The following MEMO1 variants were observed in gnomAD, a reference collection of about 807,000 sequenced individuals.
MEMO1 encodes protein MEMO1.
Under a neutral mutation model 45.2 loss-of-function variants are expected in MEMO1, and 6 were observed. That is an observed-to-expected ratio of 0.13 (90% CI 0.07 to 0.26). The LOEUF (loss-of-function observed/expected upper bound fraction) is 0.26. Among genes scored for constraint, MEMO1 ranks in the 10% least tolerant of loss-of-function variants. MEMO1 has a pLI of 1.00. For missense variants in MEMO1, 184 were observed against 370.5 expected, an observed-to-expected ratio of 0.50 and a Z score of 4.13; for synonymous variants, 78 against 124.3, an observed-to-expected ratio of 0.63 and a Z score of 2.48.
At chr2:31,976,758 C>A (rs549045955) in intron 2 of MEMO1, among the ~76,000 whole-genome samples, 1 of 151,872 alleles carries the variant, frequency 6.6e-6, no homozygotes, top group South Asian at 2.1e-4. Flanking sequence ...CTTTCATTTC[C>A]TGATGAAATT....
intron 2 of MEMO1, 46 bp from the exon 3 acceptor site, chr2:31,943,429 T>A: frequency 7.3e-7 from 1 of 1,376,062 alleles, no homozygotes; most frequent in Non-Finnish European, 1.0e-6. Context: ...AGCAATGTAC[T>A]ACAGATAAAC....
chr2:31,929,106 C>T (rs1436596181), intron 4 of MEMO1, among the ~76,000 whole-genome samples: 1 of 152,128 alleles, frequency 6.6e-6, no homozygotes. Flanking sequence ...TTCTGGATTA[C>T]AGGAATTACA....
At chr2:31,959,434 G>A (rs760321310) in intron 2 of MEMO1, among the ~76,000 whole-genome samples, 2 of 151,666 alleles carry the variant, frequency 1.3e-5, no homozygotes, top group Non-Finnish European at 2.9e-5. Context: ...GGAAAGCAAA[G>A]AGATGAGATC....
At chr2:31,984,750 G>A (rs1671069781) in intron 2 of MEMO1, among the ~76,000 whole-genome samples, 1 of 152,160 alleles carries the variant, frequency 6.6e-6, no homozygotes, top group Non-Finnish European at 1.5e-5. Flanking sequence ...AGCTTGCGGT[G>A]AGCCAAGATT....
At chr2:31,882,372 T>C (rs1293620257) in intron 8 of MEMO1, among the ~76,000 whole-genome samples, 2 of 151,958 alleles carry the variant, frequency 1.3e-5, no homozygotes, top group African/African-American at 4.8e-5. Context: ...CAATGGGAAA[T>C]GCAAATCAAA....
At position 31,940,958 on chromosome 2, in the gene MEMO1, T is replaced by C. The variant is rs1274889192; in HGVS notation, c.143+2344A>G. Among the ~76,000 whole-genome samples, 3 of 152,324 alleles carry C rather than the reference T, an allele frequency of 2.0e-5. No individual in the cohort carries two copies. In the East Asian group the frequency reaches 5.8e-4, roughly 29 times the overall value. On this transcript the variant is annotated intron_variant, in intron 3 of 9. Coordinates refer to ENST00000404530, the MANE Select transcript of MEMO1 (RefSeq NM_001301833.4). ...ATCCAAGCCACTATGTCATCTCTTT[T>C]CTATAATTATAATTGTAAAATAAGC... is the stretch of plus-strand genomic sequence containing the variant.
At chr2:31,952,457 C>T (rs952014513) in intron 2 of MEMO1, among the ~76,000 whole-genome samples, 2 of 152,118 alleles carry the variant, frequency 1.3e-5, no homozygotes, top group Non-Finnish European at 2.9e-5. Flanking sequence ...ATTGGCATTT[C>T]GTACCCAAAA....
chr2:31,932,780 T>C (rs1235237274), intron 3 of MEMO1, among the ~76,000 whole-genome samples: 5 of 152,172 alleles, frequency 3.3e-5, no homozygotes, highest in Non-Finnish European at 7.3e-5. Context: ...ATTAGCAGAC[T>C]ATTACAGAAA....
At chr2:31,929,845 A>G (rs183391889) in intron 4 of MEMO1, among the ~76,000 whole-genome samples, 1 of 152,386 alleles carries the variant, frequency 6.6e-6, no homozygotes, top group African/African-American at 2.4e-5. Flanking sequence ...TAAAGACACT[A>G]TAATTCCCAG....
chr2:31,932,220 A>G (rs1664266958), intron 3 of MEMO1, 85 bp from the exon 4 acceptor site: 2 of 1,104,338 alleles, frequency 1.8e-6, no homozygotes, highest in African/African-American at 1.6e-5. Flanking sequence ...TAAATACAGT[A>G]CCTATGGTAA....
chr2:31,933,449 G>A (rs1417294680), intron 3 of MEMO1, among the ~76,000 whole-genome samples: 1 of 139,400 alleles, frequency 7.2e-6, no homozygotes, highest in African/African-American at 2.7e-5. Context: ...CGAACACAAG[G>A]AAACTTTTGA....
rs912136129 is a variant in MEMO1, at chr2:31,883,095, G to A, written c.657+291C>T. Among the ~76,000 whole-genome samples, 14 of 152,158 alleles carry A rather than the reference G, an allele frequency of 9.2e-5. No individual in the cohort carries two copies. In the East Asian group the frequency reaches 2.7e-3, roughly 29 times the overall value. On this transcript the variant is annotated intron_variant, in intron 8 of 9. Coordinates refer to ENST00000404530, the MANE Select transcript of MEMO1 (RefSeq NM_001301833.4). ...TATTACTGCTTAACAGTAAATAATG[G>A]TATTAGTATCTTACTGTTCCTAAAG... is the stretch of plus-strand genomic sequence containing the variant.
chr2:31,967,951 G>A (rs1668831683), intron 2 of MEMO1, among the ~76,000 whole-genome samples: 1 of 152,108 alleles, frequency 6.6e-6, no homozygotes, highest in South Asian at 2.1e-4. Context: ...TTGGAAGAAT[G>A]AGAGACTGAC....
At chr2:31,967,740 C>G (rs190632715) in intron 2 of MEMO1, among the ~76,000 whole-genome samples, 4 of 152,110 alleles carry the variant, frequency 2.6e-5, no homozygotes, top group African/African-American at 9.7e-5. Flanking sequence ...CCACCATGCC[C>G]GGCCTAATAA....
At chr2:31,967,160 G>A (rs943929764) in intron 2 of MEMO1, among the ~76,000 whole-genome samples, 1 of 139,044 alleles carries the variant, frequency 7.2e-6, no homozygotes, top group Non-Finnish European at 1.5e-5. Flanking sequence ...GTCTCGCTTT[G>A]TTGCCCAGGC....
At chr2:31,992,204 A>ACTTTTT (rs1488065339) in intron 2 of MEMO1, among the ~76,000 whole-genome samples, 2 of 152,256 alleles carry the variant, frequency 1.3e-5, no homozygotes, top group Non-Finnish European at 2.9e-5. Context: ...GGCTGAGGAA[A>ACTTTTT]CAATTGGGAG....
chr2:31,951,227 A>G (rs142338333), intron 2 of MEMO1, among the ~76,000 whole-genome samples: 3 of 152,356 alleles, frequency 2.0e-5, no homozygotes, highest in African/African-American at 4.8e-5. Flanking sequence ...CCAAATTCAC[A>G]TATGAACAGG....
At chr2:31,970,049 G>A (rs1198719184) in intron 2 of MEMO1, among the ~76,000 whole-genome samples, 1 of 152,058 alleles carries the variant, frequency 6.6e-6, no homozygotes, top group Non-Finnish European at 1.5e-5. Flanking sequence ...TCAGTTCACT[G>A]TAACCTCCCC....
At chr2:31,922,985 T>C (rs1304169004) in intron 4 of MEMO1, among the ~76,000 whole-genome samples, 2 of 152,112 alleles carry the variant, frequency 1.3e-5, no homozygotes, top group Admixed American at 1.3e-4. Flanking sequence ...TTCAGGTACA[T>C]ACCCAATAAT....
Sources: allele counts gnomAD v4.1 joint callset (sites outside exome capture counted in the v4.1 genomes callset), GRCh38; gene constraint gnomAD v4.1.1; transcripts MANE v1.5; gene names NCBI Gene and HGNC (gene_info 2026-07-23, HGNC 2026-07-21).